Variants in PGBD5 observed in about 807,000 individuals in gnomAD.
The protein encoded by PGBD5 is piggyBac transposable element-derived protein 5.
Under a neutral mutation model 47.9 loss-of-function variants are expected in PGBD5, and 14 were observed. That is an observed-to-expected ratio of 0.29 (90% CI 0.19 to 0.46). The LOEUF (loss-of-function observed/expected upper bound fraction) is 0.46. PGBD5 is among the 20% of genes least tolerant of loss of function. The pLI is 1.00. For synonymous variants in PGBD5, 316 were observed against 306.3 expected (o/e 1.03, Z -0.33); for missense variants, 635 against 716.0 (o/e 0.89, Z 1.29).
At chr1:230,387,437 A>T (rs1381440173) in intron 1 of PGBD5, among the ~76,000 whole-genome samples, 1 of 152,186 alleles carries the variant, frequency 6.6e-6, no homozygotes, top group South Asian at 2.1e-4. Context: ...AACAGGCTGC[A>T]GGCTTGGGGA....
chr1:230,351,174 C>G, intron 2 of PGBD5, 82 bp from the exon 3 acceptor site: 2 of 1,436,680 alleles, frequency 1.4e-6, no homozygotes, highest in Non-Finnish European at 1.8e-6. Flanking sequence ...CAAATTCAGC[C>G]TCTGCATTTG....
intron 1 of PGBD5, among the ~76,000 whole-genome samples, chr1:230,381,301 A>T (rs1656482250): frequency 6.6e-6 from 1 of 152,220 alleles, no homozygotes. Context: ...TCCTGGCACC[A>T]ACAGACTGGC....
At chr1:230,366,737 G>T (rs1391589814) in intron 1 of PGBD5, among the ~76,000 whole-genome samples, 2 of 152,092 alleles carry the variant, frequency 1.3e-5, no homozygotes, top group Non-Finnish European at 2.9e-5. Flanking sequence ...GAGGTGGCTT[G>T]CATGGTGCCT....
At chr1:230,385,706 G>C (rs1002243191) in intron 1 of PGBD5, among the ~76,000 whole-genome samples, 6 of 152,184 alleles carry the variant, frequency 3.9e-5, no homozygotes, top group African/African-American at 1.4e-4. Flanking sequence ...ATGAGGGAGA[G>C]TGTGTGTATA....
chr1:230,357,415 G>T lies in PGBD5; in HGVS notation c.332-94C>A. The T allele has an allele frequency of 2.2e-6, 3 of 1,383,174 alleles. No homozygotes were observed. Among genetic ancestry groups the T allele is most frequent in the Non-Finnish European group, 3.0e-6 (3 of 1,013,394 alleles). The allele number at this position is 1,383,174 out of a possible 1,614,324, so 85.7% of individuals were successfully genotyped here. A position where few individuals can be genotyped will look rare whatever the true frequency, so the allele number is the denominator to read the frequency against. On this transcript the variant is annotated intron_variant, in intron 1 of 6. Transcript: ENST00000391860. This position sits in a 1 kb window ranked among gnomAD's most constrained non-coding sequence, Gnocchi z 5.7. Reference sequence around the variant, plus strand: ...CTGCATTTCCAATCCCTGGGTCCCTGGCCGAGTGCCCCCGCTGCCTCCAGT... The same window carrying T: ...CTGCATTTCCAATCCCTGGGTCCCTTGCCGAGTGCCCCCGCTGCCTCCAGT...
Position 230,323,358 on chromosome 1 carries a change from C to G in PGBD5, c.*67G>C. On this transcript the variant is annotated 3_prime_UTR_variant, in exon 7 of 7. Coordinates refer to ENST00000391860, the MANE Select transcript of PGBD5 (RefSeq NM_001258311.2). This position sits in a 1 kb window ranked among gnomAD's most constrained non-coding sequence, Gnocchi z 4.1. ...AGGCCGTGTCCGGGTCTCTGATGGG[C>G]AAGTTGGAACGGCAGGCTCTCCTCC... is the stretch of plus-strand genomic sequence containing the variant. 6.5e-7 allele frequency: 1 copy of G among 1,549,702 alleles called. No homozygotes were observed. Among genetic ancestry groups the G allele is most frequent in the South Asian group, 1.2e-5 (1 of 80,202 alleles).
intron 1 of PGBD5, among the ~76,000 whole-genome samples, chr1:230,418,029 C>T (rs920979438): frequency 6.6e-6 from 1 of 152,130 alleles, no homozygotes; most frequent in Admixed American, 6.6e-5. Context: ...AGGAGGGGTG[C>T]CAGTAACATT....
At chr1:230,404,284 G>A (rs1236195244) in intron 1 of PGBD5, among the ~76,000 whole-genome samples, 3 of 152,116 alleles carry the variant, frequency 2.0e-5, no homozygotes, top group African/African-American at 7.2e-5. Context: ...CTCGAGACTA[G>A]CCTGGGCAAC....
Position 230,323,161 on chromosome 1 carries a change from A to C in PGBD5, c.*264T>G. On this transcript the variant is annotated 3_prime_UTR_variant, in exon 7 of 7. Transcript: ENST00000391860. The surrounding 1 kb of genome is among the most constrained non-coding windows in gnomAD (Gnocchi z 4.1). ...CAAGCTCCACGGATGTCATGAGAGA[A>C]TCTGCCCTTGAGAACGTGGGTGTAA... 2.2e-6 allele frequency: 1 copy of C among 464,682 alleles called. No individual in the cohort carries two copies. Among genetic ancestry groups the C allele is most frequent in the Non-Finnish European group, 3.8e-6 (1 of 260,004 alleles). The allele number at this position is 464,682 out of a possible 1,614,324, so 28.8% of individuals were successfully genotyped here. A position where few individuals can be genotyped will look rare whatever the true frequency, so the allele number is the denominator to read the frequency against.
chr1:230,351,963 G>C (rs867845423), intron 2 of PGBD5, among the ~76,000 whole-genome samples: 1 of 152,152 alleles, frequency 6.6e-6, no homozygotes, highest in Non-Finnish European at 1.5e-5. Flanking sequence ...GGAGGCTTTA[G>C]GATAAACTTC....
Position 230,347,449 on chromosome 1 carries a change from G to C in PGBD5, c.894+3509C>G, listed in dbSNP as rs574965226. Among the ~76,000 whole-genome samples the C allele has an allele frequency of 1.6e-3, 236 of 151,702 alleles. 1 individual carries two copies. Among genetic ancestry groups the C allele is most frequent in the African/African-American group, 5.5e-3 (226 of 41,372 alleles). ...CTGGCAGAATTCCCTTTTTCTCGGGGCACAGCAATCATTTTCATTTTCTTT... is the reference window on the plus strand; with the variant it reads ...CTGGCAGAATTCCCTTTTTCTCGGGCCACAGCAATCATTTTCATTTTCTTT... On this transcript the variant is annotated intron_variant, in intron 3 of 6. Transcript: ENST00000391860.
chr1:230,357,949 C>T lies in PGBD5; in HGVS notation c.332-628G>A, dbSNP rs903385824. Among the ~76,000 whole-genome samples, 21 of 152,036 alleles carry T rather than the reference C, an allele frequency of 1.4e-4. No homozygotes were observed. Among genetic ancestry groups the T allele is most frequent in the African/African-American group, 4.8e-4 (20 of 41,346 alleles). On this transcript the variant is annotated intron_variant, in intron 1 of 6. Coordinates refer to ENST00000391860, the MANE Select transcript of PGBD5 (RefSeq NM_001258311.2). This position sits in a 1 kb window ranked among gnomAD's most constrained non-coding sequence, Gnocchi z 5.7. ...ATGCATATACATACATATATATACACATGCATATATACACATACATACACA... is the reference window on the plus strand; with the variant it reads ...ATGCATATACATACATATATATACATATGCATATATACACATACATACACA...
chr1:230,340,009 T>C (rs1350648412), intron 3 of PGBD5, among the ~76,000 whole-genome samples: 3 of 152,220 alleles, frequency 2.0e-5, no homozygotes, highest in African/African-American at 7.2e-5. Flanking sequence ...CAAAAAATGA[T>C]AACTATGTGA....
intron 1 of PGBD5, among the ~76,000 whole-genome samples, chr1:230,358,763 T>C (rs566201997): frequency 6.6e-6 from 1 of 152,238 alleles, no homozygotes; most frequent in Non-Finnish European, 1.5e-5. Context: ...TACAGTCACA[T>C]GCTGCACAGG....
chr1:230,392,465 C>G (rs967923730), intron 1 of PGBD5, among the ~76,000 whole-genome samples: 3 of 152,214 alleles, frequency 2.0e-5, no homozygotes, highest in Admixed American at 1.3e-4. Flanking sequence ...TCATTCCAGG[C>G]AGATCTTCTC....
chr1:230,352,888 G>C (rs147944426), intron 2 of PGBD5, among the ~76,000 whole-genome samples: 1 of 152,152 alleles, frequency 6.6e-6, no homozygotes, highest in African/African-American at 2.4e-5. Context: ...GATCCTTGCC[G>C]AAGACGTGCA....
At chr1:230,394,550 A>C in intron 1 of PGBD5, among the ~76,000 whole-genome samples, 1 of 122,666 alleles carries the variant, frequency 8.2e-6, no homozygotes. Flanking sequence ...CCTAACCCCA[A>C]GCTCCATTCA....
At chr1:230,407,611 T>C (rs1350253005) in intron 1 of PGBD5, among the ~76,000 whole-genome samples, 2 of 152,152 alleles carry the variant, frequency 1.3e-5, no homozygotes, top group Non-Finnish European at 2.9e-5. Flanking sequence ...TGATGTGTCA[T>C]GAGAGCGTAA....
At chr1:230,377,496 A>G in intron 1 of PGBD5, 1 of 1,612,698 alleles carries the variant, frequency 6.2e-7, no homozygotes, top group Non-Finnish European at 8.5e-7. Flanking sequence ...AGACAGCTGT[A>G]CCTGTGAATG....
Sources: allele counts gnomAD v4.1 joint callset (sites outside exome capture counted in the v4.1 genomes callset), GRCh38; gene constraint gnomAD v4.1.1; non-coding constraint Gnocchi (gnomAD v3.1); transcripts MANE v1.5; gene names NCBI Gene and HGNC (gene_info 2026-07-23, HGNC 2026-07-21).